KDSR: variants seen among roughly 807,000 people sequenced by gnomAD.
KDSR encodes 3-ketodihydrosphingosine reductase, also known as 3-dehydrosphinganine reductase.
A neutral mutation model predicts 41.3 loss-of-function variants in KDSR; 23 were observed. The observed-to-expected ratio is 0.56, with a 90% CI of 0.40 to 0.79. The LOEUF (loss-of-function observed/expected upper bound fraction) is 0.79. KDSR is among the 30% of genes least tolerant of loss of function. KDSR has a pLI of 0.00. For synonymous variants in KDSR, 138 were observed against 151.7 expected, an observed-to-expected ratio of 0.91 and a Z score of 0.66; for missense variants, 351 against 416.8, an observed-to-expected ratio of 0.84 and a Z score of 1.37.
At chr18:63,344,545 C>T in intron 6 of KDSR, 52 bp from the exon 7 acceptor site, 1 of 1,310,856 alleles carries the variant, frequency 7.6e-7, no homozygotes, top group Non-Finnish European at 1.1e-6. Context: ...ACACTGAGGT[C>T]CTACACTGCC....
At chr18:63,350,113 C>T (rs1337075756) in intron 6 of KDSR, among the ~76,000 whole-genome samples, 1 of 152,204 alleles carries the variant, frequency 6.6e-6, no homozygotes, top group Non-Finnish European at 1.5e-5. Context: ...TGACTGTACA[C>T]AGCAATAGAA....
chr18:63,339,488 T>C (rs1914280160), intron 7 of KDSR, among the ~76,000 whole-genome samples: 1 of 152,216 alleles, frequency 6.6e-6, no homozygotes, highest in Non-Finnish European at 1.5e-5. Context: ...GAGTGGTCCC[T>C]AGATGGGCTG....
rs1370037025 is a variant in KDSR at position 63,362,819 on chromosome 18, T to A, written c.158A>T (p.Tyr53Phe). 2 of 1,613,808 alleles carry A rather than the reference T, an allele frequency of 1.2e-6. No individual in the cohort carries two copies. The highest frequency in any genetic ancestry group is 1.7e-6 in the Non-Finnish European group (2 of 1,179,828). Residue 53 changes from tyrosine to phenylalanine, a missense_variant, in exon 2 of 10, where the codon TAT becomes TTT. Physicochemically the swap from Tyr to Phe is conservative, Grantham distance 22. Transcript: ENST00000645214. ...CAGAGTTATAAAAGCTCCTTGTTTA[T>A]AGCACTCGATAGCAATGCACTTCCC... ...GIGKCIAIEC[Y>F]KQGAFITLVA...
Position 63,362,672 on chromosome 18 carries a change from AG to A in KDSR, c.198+106del, listed in dbSNP as rs1176879437. 5.6e-6 allele frequency: 4 copies of A among 717,004 alleles called. No individual in the cohort carries two copies. In the Admixed American group the frequency reaches 9.6e-5, roughly 17 times the overall value. The allele number at this position is 717,004 out of a possible 1,614,324, so 44.4% of individuals were successfully genotyped here. On this transcript the variant is annotated intron_variant, in intron 2 of 9. Coordinates refer to ENST00000645214, the MANE Select transcript of KDSR (RefSeq NM_002035.4). ...AGTTCAGGAAACACATCTCACATCA[AG>A]GAAGAAGCGCTTTCTAGGTGTGAAT... is the stretch of plus-strand genomic sequence containing the variant.
In KDSR at chr18:63,328,585, C is replaced by G. The variant is rs1247687294; in HGVS notation, c.*3197G>C. The G allele has an allele frequency of 6.3e-6, 1 of 158,318 alleles. No individual in the cohort carries two copies. Among genetic ancestry groups the G allele is most frequent in the Non-Finnish European group, 1.4e-5 (1 of 71,706 alleles). 9.8% of individuals were successfully genotyped at this position (158,318 alleles called of 1,614,324 possible). The stretch of plus-strand genomic sequence containing the variant: ...CCATGTTGGCCAGGCTGGTCTCGAA[C>G]TCCTGACCTCGTGATTCGCCTGTCT... On this transcript the variant is annotated 3_prime_UTR_variant, in exon 10 of 10. Coordinates refer to ENST00000645214, the MANE Select transcript of KDSR (RefSeq NM_002035.4).
At position 63,361,195 on chromosome 18, in the gene KDSR, G is replaced by A. The variant is rs1421568574; in HGVS notation, c.199-1403C>T. ...ACTGCACACCAGCCTGGGTTACAGAGCAAAACTCCGTCTCAAAAAAAAAAA... is the reference window on the plus strand; with the variant it reads ...ACTGCACACCAGCCTGGGTTACAGAACAAAACTCCGTCTCAAAAAAAAAAA... On this transcript the variant is annotated intron_variant, in intron 2 of 9. Transcript: ENST00000645214. 3.7e-5 allele frequency among the ~76,000 whole-genome samples: 3 copies of A among 81,760 alleles called. No individual in the cohort carries two copies. The Admixed American group carries it at 5.9e-4, about 16-fold the overall frequency. 53.6% of individuals were successfully genotyped at this position (81,760 alleles called of 152,430 possible). A position where few individuals can be genotyped will look rare whatever the true frequency, so the allele number is the denominator to read the frequency against.
Position 63,335,253 on chromosome 18 carries a change from T to C in KDSR, c.879+4A>G, listed in dbSNP as rs778987260. 2.5e-6 allele frequency: 4 copies of C among 1,603,608 alleles called. No individual in the cohort carries two copies. Among genetic ancestry groups the C allele is most frequent in the Non-Finnish European group, 3.4e-6 (4 of 1,170,564 alleles). On this transcript the variant is annotated splice_donor_region_variant and intron_variant, in intron 9 of 9. Coordinates refer to ENST00000645214, the MANE Select transcript of KDSR (RefSeq NM_002035.4). ...GTCTGATTGCTAGCCTAGGCAGAGC[T>C]TACCTGCTGGAGCCCCTCAGTAATA...
At chr18:63,351,408 C>T (rs929325407) in intron 5 of KDSR, among the ~76,000 whole-genome samples, 3 of 152,180 alleles carry the variant, frequency 2.0e-5, no homozygotes, top group African/African-American at 7.2e-5. Flanking sequence ...GTGGGTAGTA[C>T]TTTCTGAAAG....
chr18:63,347,870 C>G (rs1198996787), intron 6 of KDSR, among the ~76,000 whole-genome samples: 1 of 151,784 alleles, frequency 6.6e-6, no homozygotes, highest in Admixed American at 6.6e-5. Flanking sequence ...AAAATGCCAA[C>G]AAAGCATTCT....
intron 6 of KDSR, 33 bp downstream of exon 6, chr18:63,350,855 A>C (rs1568280350): frequency 2.0e-6 from 3 of 1,476,446 alleles, no homozygotes; most frequent in African/African-American, 2.8e-5. Flanking sequence ...CTGAGCGGAG[A>C]GGAATAAATA....
At chr18:63,358,840 A>T (rs1238891607) in intron 3 of KDSR, among the ~76,000 whole-genome samples, 2 of 142,026 alleles carry the variant, frequency 1.4e-5, no homozygotes, top group African/African-American at 5.3e-5. Flanking sequence ...AAAGAACTAA[A>T]CAATATATTA....
At chr18:63,358,814 C>A (rs199604292) in intron 3 of KDSR, among the ~76,000 whole-genome samples, 1,545 of 62,318 alleles carry the variant, frequency 0.025, 2 homozygotes, top group Middle Eastern at 0.036. Flanking sequence ...GACTCTGTCT[C>A]AAAAAAAAAA....
rs1359887053 is a variant in KDSR at position 63,335,401 on chromosome 18, T to C, written c.778-43A>G. The C allele has an allele frequency of 3.7e-6, 5 of 1,344,948 alleles. No individual in the cohort carries two copies. The African/African-American group carries it at 4.3e-5, about 12-fold the overall frequency. 83.3% of individuals were successfully genotyped at this position (1,344,948 alleles called of 1,614,324 possible). ...GAAGAGAAAGAGGGAATCCTAGTAA[T>C]GTGGACAGAAATCAGTCGGACACAT... On this transcript the variant is annotated intron_variant, in intron 8 of 9. Transcript: ENST00000645214.
intron 1 of KDSR, among the ~76,000 whole-genome samples, chr18:63,363,354 A>C (rs1915048208): frequency 7.6e-6 from 1 of 131,336 alleles, no homozygotes; most frequent in South Asian, 2.8e-4. Context: ...TATATCTCCC[A>C]ATGCTATCCC....
intron 2 of KDSR, 117 bp from the exon 3 acceptor site, chr18:63,359,909 C>T: frequency 1.4e-6 from 1 of 730,704 alleles, no homozygotes; most frequent in Non-Finnish European, 2.4e-6. Context: ...CCAGAAAACA[C>T]ACAAAACAGT....
chr18:63,362,599 C>T (rs909578010), intron 2 of KDSR, among the ~76,000 whole-genome samples, 180 bp downstream of exon 2: 1 of 152,202 alleles, frequency 6.6e-6, no homozygotes, highest in African/African-American at 2.4e-5. Flanking sequence ...TGGGGCCGAC[C>T]TGATTTCAAC....
Position 63,327,908 on chromosome 18 carries a change from C to T in KDSR, c.*3874G>A, listed in dbSNP as rs1162954542. ...AAGTCTTTAGAGTTATCACATCAAGCAAGTGTAAAATATAATAGCTACTAT... is the reference window on the plus strand; with the variant it reads ...AAGTCTTTAGAGTTATCACATCAAGTAAGTGTAAAATATAATAGCTACTAT... On this transcript the variant is annotated 3_prime_UTR_variant, in exon 10 of 10. Coordinates refer to ENST00000645214, the MANE Select transcript of KDSR (RefSeq NM_002035.4). 2.0e-5 allele frequency: 4 copies of T among 201,738 alleles called. No homozygotes were observed. The East Asian group carries it at 3.0e-4, about 15-fold the overall frequency. The allele number at this position is 201,738 out of a possible 1,614,324, so 12.5% of individuals were successfully genotyped here. A position where few individuals can be genotyped will look rare whatever the true frequency, so the allele number is the denominator to read the frequency against.
intron 8 of KDSR, 69 bp downstream of exon 8, chr18:63,338,731 G>T: frequency 2.9e-6 from 3 of 1,035,936 alleles, no homozygotes; most frequent in Non-Finnish European, 4.4e-6. Context: ...GTAAGTCCTT[G>T]GACAAATATC....
Position 63,362,781 on chromosome 18 carries a change from C to G in KDSR, c.196G>C (p.Glu66Gln). The change falls in exon 2 of 10, where the codon GAG (glutamate) becomes CAG (glutamine). Residue 66 changes from glutamate (E) to glutamine (Q), a missense_variant and splice_region_variant. Transcript: ENST00000645214. Reference sequence around the variant, plus strand: ...AATAATGAACCTAGAAGCCTTACCTCATTTCGTGCAACCAGAGTTATAAAA... The same window carrying G: ...AATAATGAACCTAGAAGCCTTACCTGATTTCGTGCAACCAGAGTTATAAAA... ...GAFITLVARNEDKLLQAKKEI... is the reference protein window; with the variant it reads ...GAFITLVARNQDKLLQAKKEI... The G allele has an allele frequency of 6.2e-7, 1 of 1,607,034 alleles. No homozygotes were observed. The highest frequency in any genetic ancestry group is 8.5e-7 in the Non-Finnish European group (1 of 1,173,854).
Sources: allele counts gnomAD v4.1 joint callset (sites outside exome capture counted in the v4.1 genomes callset), GRCh38; gene constraint gnomAD v4.1.1; transcripts MANE v1.5; gene names NCBI Gene and HGNC (gene_info 2026-07-23, HGNC 2026-07-21).